Variants in NEBL observed in about 807,000 individuals in gnomAD.
The protein encoded by NEBL is nebulette.
Under a neutral mutation model 140.2 loss-of-function variants are expected in NEBL, and 122 were observed. That is an observed-to-expected ratio of 0.87 (90% confidence interval 0.75 to 1.01). NEBL has a LOEUF of 1.01. Among genes scored for constraint, NEBL ranks in the 50% least tolerant of loss-of-function variants. NEBL has a pLI of 0.00. For synonymous variants in NEBL, 436 were observed against 398.9 expected, an observed-to-expected ratio of 1.09 and a Z score of -1.11; for missense variants, 1,365 against 1,231.3, an observed-to-expected ratio of 1.11 and a Z score of -1.62.
chr10:20,952,257 T>C (rs905066272), intron 4 of NEBL, among the ~76,000 whole-genome samples: 1 of 151,752 alleles, frequency 6.6e-6, no homozygotes, highest in African/African-American at 2.4e-5. Flanking sequence ...GCCAACACGG[T>C]AAAACCCCGT....
chr10:21,033,782 G>C (rs1327881367), intron 2 of NEBL, among the ~76,000 whole-genome samples: 1 of 150,758 alleles, frequency 6.6e-6, no homozygotes, highest in Non-Finnish European at 1.5e-5. Context: ...AAAATTGTAT[G>C]ATAAAATATC....
intron 2 of NEBL, among the ~76,000 whole-genome samples, chr10:21,057,153 A>G (rs1471444353): frequency 1.3e-5 from 2 of 152,174 alleles, no homozygotes; most frequent in Non-Finnish European, 2.9e-5. Flanking sequence ...CCCAGATCTT[A>G]TGCCGGGCTT....
At chr10:21,114,993 C>T (rs564561532) in intron 2 of NEBL, among the ~76,000 whole-genome samples, 1 of 151,970 alleles carries the variant, frequency 6.6e-6, no homozygotes, top group South Asian at 2.1e-4. Flanking sequence ...TCATTTTTAA[C>T]TTCTTTTTAA....
At chr10:20,945,323 T>TCTTA (rs1485535197) in intron 4 of NEBL, among the ~76,000 whole-genome samples, 5 of 152,268 alleles carry the variant, frequency 3.3e-5, no homozygotes, top group African/African-American at 1.2e-4. Context: ...AAATTCCCAC[T>TCTTA]CTTAACACAC....
At chr10:20,992,023 G>A (rs1004933646) in intron 3 of NEBL, among the ~76,000 whole-genome samples, 4 of 152,108 alleles carry the variant, frequency 2.6e-5, no homozygotes, top group Non-Finnish European at 4.4e-5. Flanking sequence ...CCACTGAAAC[G>A]AACCTAGGCT....
At chr10:21,179,336 TC>T (rs1277710881), upstream of NEBL, among the ~76,000 whole-genome samples, 1 of 152,158 alleles carries the variant, frequency 6.6e-6, no homozygotes, top group Non-Finnish European at 1.5e-5. Flanking sequence ...ACATCAGTTT[TC>T]CCTTTGAGAT....
At chr10:20,866,222 C>A (rs1017835739) in intron 7 of NEBL, among the ~76,000 whole-genome samples, 35 of 151,826 alleles carry the variant, frequency 2.3e-4, no homozygotes, top group African/African-American at 6.3e-4. Context: ...GGGAAGGGGG[C>A]GTTGGGGAGT....
rs545696359 is a variant in NEBL, at chr10:21,155,505, G to A, written c.164+16878C>T. Reference sequence around the variant, plus strand: ...ATGAGTCCAGCTGTTTGGATTTTTAGATCCCACAGATAAGTGATAACATAC... The same window carrying A: ...ATGAGTCCAGCTGTTTGGATTTTTAAATCCCACAGATAAGTGATAACATAC... On this transcript the variant is annotated intron_variant, in intron 2 of 6. Coordinates refer to the NEBL transcript ENST00000417816. Among the ~76,000 whole-genome samples the A allele has an allele frequency of 1.6e-3, 246 of 152,182 alleles. 1 individual carries two copies. The highest frequency in any genetic ancestry group is 3.1e-3 in the Non-Finnish European group (208 of 68,006).
chr10:20,969,182 A>C (rs1384331369), intron 3 of NEBL, among the ~76,000 whole-genome samples: 1 of 152,196 alleles, frequency 6.6e-6, no homozygotes, highest in Non-Finnish European at 1.5e-5. Flanking sequence ...TTTTAAGGTG[A>C]AGTTAATTTT....
At chr10:21,249,938 C>T (rs1349982669) in intron 2 of NEBL, among the ~76,000 whole-genome samples, 1 of 152,008 alleles carries the variant, frequency 6.6e-6, no homozygotes, top group East Asian at 1.9e-4. Flanking sequence ...GTGGTACACA[C>T]CTGTAATCCC....
intron 7 of NEBL, among the ~76,000 whole-genome samples, chr10:20,867,299 G>T (rs1333070192): frequency 6.6e-6 from 1 of 152,032 alleles, no homozygotes; most frequent in East Asian, 1.9e-4. Flanking sequence ...CAACAGAATA[G>T]TACGTCTTTT....
chr10:20,998,284 G>T (rs1837752215), intron 3 of NEBL, among the ~76,000 whole-genome samples: 1 of 152,146 alleles, frequency 6.6e-6, no homozygotes, highest in African/African-American at 2.4e-5. Context: ...TGACTTCTCT[G>T]AGCCACAGCT....
chr10:21,273,812 T>C (rs949582317), intron 1 of NEBL, among the ~76,000 whole-genome samples: 6 of 152,192 alleles, frequency 3.9e-5, no homozygotes, highest in Non-Finnish European at 7.4e-5. Flanking sequence ...CTTATCTCTA[T>C]ACACAGATAA....
intron 3 of NEBL, among the ~76,000 whole-genome samples, chr10:21,244,894 T>G (rs1424071569): frequency 1.3e-5 from 2 of 151,594 alleles, no homozygotes; most frequent in African/African-American, 4.8e-5. Context: ...CAATAGCACA[T>G]GCCTGTAATC....
chr10:20,869,886 T>A (rs1436097233), intron 5 of NEBL, 45 bp from the exon 6 acceptor site: 1 of 1,158,368 alleles, frequency 8.6e-7, no homozygotes, highest in African/African-American at 1.5e-5. Context: ...AATTAGTAAT[T>A]TCACATAGCT....
chr10:20,901,688 GT>G (rs1356780981), upstream of NEBL, among the ~76,000 whole-genome samples: 37 of 152,208 alleles, frequency 2.4e-4, no homozygotes, highest in African/African-American at 8.9e-4. Flanking sequence ...AGAAGAATTT[GT>G]TTGCCTGATT....
intron 3 of NEBL, among the ~76,000 whole-genome samples, chr10:21,231,972 T>C (rs1842269027): frequency 6.6e-6 from 1 of 152,096 alleles, no homozygotes; most frequent in South Asian, 2.1e-4. Flanking sequence ...CTGATCAGCA[T>C]TAGTGTTAAA....
At position 21,010,888 on chromosome 10, in the gene NEBL, T is replaced by C. The variant is rs143483044; in HGVS notation, c.249+9229A>G. Among the ~76,000 whole-genome samples, 36 of 152,364 alleles carry C rather than the reference T, an allele frequency of 2.4e-4. No homozygotes were observed. In the East Asian group the frequency reaches 6.9e-3, roughly 29 times the overall value. On this transcript the variant is annotated intron_variant, in intron 3 of 6. Coordinates refer to the NEBL transcript ENST00000417816. Reference sequence around the variant, plus strand: ...CTTTAAACATCTTCCAATGTGAAACTGATTTGCCCATCAACTTCCCTCAAA... The same window carrying C: ...CTTTAAACATCTTCCAATGTGAAACCGATTTGCCCATCAACTTCCCTCAAA...
intron 3 of NEBL, among the ~76,000 whole-genome samples, chr10:21,219,373 A>T (rs1481629263): frequency 6.6e-6 from 1 of 152,230 alleles, no homozygotes; most frequent in Non-Finnish European, 1.5e-5. Flanking sequence ...ACCTATTGAC[A>T]TTCAAGAGTA....
Sources: gnomAD v4.1 joint callset for allele counts (sites outside exome capture counted in the v4.1 genomes callset) on GRCh38, gnomAD v4.1.1 for gene constraint, MANE v1.5 for transcripts, NCBI Gene and HGNC (gene_info 2026-07-23, HGNC 2026-07-21) for gene names.